Variants in CSMD3 observed in about 807,000 individuals in gnomAD.
The protein encoded by CSMD3 is CUB and sushi domain-containing protein 3.
In CSMD3, 177 loss-of-function variants were observed where a neutral mutation model predicts 435.2. The observed-to-expected ratio is 0.41, with a 90% CI of 0.36 to 0.46. CSMD3 has a LOEUF of 0.46. Among genes scored for constraint, CSMD3 ranks in the 20% least tolerant of loss-of-function variants. The pLI is 0.34. For missense variants in CSMD3, 4,265 were observed against 4,504.6 expected, an observed-to-expected ratio of 0.95 and a Z score of 1.52; for synonymous variants, 1,656 against 1,520.5, an observed-to-expected ratio of 1.09 and a Z score of -2.07.
At chr8:113,376,552 T>A (rs2094384269) in intron 1 of CSMD3, 1 of 619,544 alleles carries the variant, frequency 1.6e-6, no homozygotes, top group Middle Eastern at 4.5e-4. Flanking sequence ...ATTTATGCGT[T>A]TGTTGTCCAA....
chr8:113,334,790 TA>T (rs1198866320), intron 1 of CSMD3, among the ~76,000 whole-genome samples: 1 of 152,150 alleles, frequency 6.6e-6, no homozygotes, highest in Admixed American at 6.6e-5. Context: ...GGAATTGGCA[TA>T]TTTTTTTCTT....
intron 41 of CSMD3, 138 bp downstream of exon 41, chr8:112,345,959 A>G: frequency 1.5e-6 from 1 of 686,806 alleles, no homozygotes; most frequent in Non-Finnish European, 2.6e-6. Context: ...TCACTCTTCA[A>G]TTTACATAGT....
intron 11 of CSMD3, among the ~76,000 whole-genome samples, chr8:112,848,268 T>C (rs2080385362): frequency 6.6e-6 from 1 of 152,132 alleles, no homozygotes; most frequent in African/African-American, 2.4e-5. Flanking sequence ...GGCACAAATA[T>C]GATTTAATAT....
At chr8:112,879,848 C>CT (rs1268732624) in intron 10 of CSMD3, among the ~76,000 whole-genome samples, 2 of 151,884 alleles carry the variant, frequency 1.3e-5, no homozygotes, top group Non-Finnish European at 2.9e-5. Context: ...TACGTTCTCA[C>CT]TTATAAGTGA....
intron 13 of CSMD3, among the ~76,000 whole-genome samples, chr8:112,772,550 C>A (rs562946948): frequency 1.3e-5 from 2 of 151,968 alleles, no homozygotes; most frequent in Non-Finnish European, 1.5e-5. Flanking sequence ...AATATGGCCT[C>A]GTGGGAAGGG....
intron 1 of CSMD3, among the ~76,000 whole-genome samples, chr8:113,322,855 C>T (rs1000686646): frequency 3.9e-5 from 6 of 152,106 alleles, no homozygotes; most frequent in African/African-American, 7.2e-5. Flanking sequence ...AAGCGATTGT[C>T]GTGTCTCAGC....
intron 6 of CSMD3, among the ~76,000 whole-genome samples, chr8:113,014,705 G>C (rs924342803): frequency 6.6e-6 from 1 of 152,092 alleles, no homozygotes; most frequent in Non-Finnish European, 1.5e-5. Flanking sequence ...GTCAGGGAAT[G>C]TTTCAGAGAC....
rs1178162079 is a variant in CSMD3, at chr8:112,991,584, G to A, written c.1031-15436C>T. On this transcript the variant is annotated intron_variant, in intron 6 of 70. Coordinates refer to ENST00000297405, the MANE Select transcript of CSMD3 (RefSeq NM_198123.2). ...TTTATGTACAGGTGAGTAAATTCTA[G>A]AATTTAATTAAAATGAAATTCAATA... 4.0e-5 allele frequency among the ~76,000 whole-genome samples: 6 copies of A among 151,764 alleles called. No homozygotes were observed. The East Asian group carries it at 1.2e-3, about 29-fold the overall frequency.
rs34579993 is a variant in CSMD3 at position 112,677,420 on chromosome 8, C to CAAA, written c.2677+5019_2677+5021dup. On this transcript the variant is annotated intron_variant, in intron 16 of 70. Transcript: ENST00000297405. ...TGTATAAAACACTTGCATCCTAACT[C>CAAA]AAAAAAAAAAATCAAAGTAAAAATC... is the stretch of plus-strand genomic sequence containing the variant. 2.1e-5 allele frequency among the ~76,000 whole-genome samples: 3 copies of CAAA among 141,358 alleles called. No homozygotes were observed. In the Admixed American group the frequency reaches 2.2e-4, roughly 10 times the overall value. 92.7% of individuals were successfully genotyped at this position (141,358 alleles called of 152,430 possible).
intron 30 of CSMD3, among the ~76,000 whole-genome samples, chr8:112,496,487 G>A (rs1418884677): frequency 2.0e-5 from 3 of 151,982 alleles, no homozygotes; most frequent in Non-Finnish European, 4.4e-5. Context: ...TCAGTATATC[G>A]AAGAGATATC....
intron 3 of CSMD3, among the ~76,000 whole-genome samples, chr8:113,250,055 C>A (rs2093320302): frequency 1.3e-5 from 2 of 152,032 alleles, no homozygotes; most frequent in South Asian, 2.1e-4. Flanking sequence ...AGGTTCTTTT[C>A]TATGTCCTCT....
At chr8:113,384,916 T>C (rs1285611258) in intron 1 of CSMD3, among the ~76,000 whole-genome samples, 2 of 152,126 alleles carry the variant, frequency 1.3e-5, no homozygotes, top group Admixed American at 1.3e-4. Context: ...ATTTGTTTTG[T>C]TTTGTTAGTC....
chr8:113,426,664 G>A (rs1402884632), intron 1 of CSMD3, among the ~76,000 whole-genome samples: 2 of 151,370 alleles, frequency 1.3e-5, no homozygotes, highest in East Asian at 3.9e-4. Flanking sequence ...AAGTTGTTTT[G>A]ATTATCTACC....
In CSMD3 at chr8:112,305,896, C is replaced by T. The variant is rs1055350462; in HGVS notation, c.8071+111G>A. ...ACTTAACTTTTATTTCTGACTTAGA[C>T]ATCACATTTCAGTTTAGGGATTGGT... On this transcript the variant is annotated intron_variant, in intron 51 of 70. Transcript: ENST00000297405. The T allele has an allele frequency of 3.4e-6, 3 of 885,194 alleles. No individual in the cohort carries two copies. In the African/African-American group the frequency reaches 5.0e-5, roughly 15 times the overall value. The allele number at this position is 885,194 out of a possible 1,614,324, so 54.8% of individuals were successfully genotyped here.
intron 1 of CSMD3, among the ~76,000 whole-genome samples, chr8:113,371,909 T>TTTCC: frequency 6.6e-6 from 1 of 152,288 alleles, no homozygotes; most frequent in African/African-American, 2.4e-5. Context: ...TGAACAGGTA[T>TTTCC]TGCTCATATG....
intron 2 of CSMD3, chr8:113,311,579 T>C (rs1336952234): frequency 6.6e-6 from 1 of 152,020 alleles, no homozygotes; most frequent in Non-Finnish European, 1.5e-5. Flanking sequence ...TATGATCCAA[T>C]ATGAGAGAAA....
intron 27 of CSMD3, among the ~76,000 whole-genome samples, chr8:112,529,394 C>T (rs1277896070): frequency 1.3e-5 from 2 of 152,046 alleles, no homozygotes; most frequent in African/African-American, 4.8e-5. Context: ...TTGAGACCAG[C>T]CTGAACATCA....
chr8:112,239,661 T>C (rs1427711523), intron 66 of CSMD3, among the ~76,000 whole-genome samples: 1 of 152,122 alleles, frequency 6.6e-6, no homozygotes, highest in Non-Finnish European at 1.5e-5. Context: ...TGTAGTGTTC[T>C]AGTAATTTGT....
intron 45 of CSMD3, among the ~76,000 whole-genome samples, chr8:112,334,651 T>C (rs1393545158): frequency 6.6e-6 from 1 of 152,162 alleles, no homozygotes; most frequent in African/African-American, 2.4e-5. Flanking sequence ...AATAATGGAA[T>C]ACAACCAATT....
Sources: gnomAD v4.1 joint callset for allele counts (sites outside exome capture counted in the v4.1 genomes callset) on GRCh38, gnomAD v4.1.1 for gene constraint, MANE v1.5 for transcripts, NCBI Gene and HGNC (gene_info 2026-07-23, HGNC 2026-07-21) for gene names.